PDE9A: variants seen among roughly 807,000 people sequenced by gnomAD.
PDE9A encodes high affinity cGMP-specific 3',5'-cyclic phosphodiesterase 9A.
A neutral mutation model predicts 87.4 loss-of-function variants in PDE9A; 60 were observed. That is an observed-to-expected ratio of 0.69 (90% CI 0.56 to 0.85). The LOEUF is 0.85. PDE9A is among the 40% of genes least tolerant of loss of function. The pLI is 0.00. For synonymous variants in PDE9A, 272 were observed against 279.4 expected, an observed-to-expected ratio of 0.97 and a Z score of 0.27; for missense variants, 665 against 779.0, an observed-to-expected ratio of 0.85 and a Z score of 1.74.
rs879889308 is a variant in PDE9A at position 42,670,173 on chromosome 21, GCA to G, written c.70-16014_70-16013del. The stretch of plus-strand genomic sequence containing the variant: ...CATTCACACGCACACACATTCACAC[GCA>G]CACATACACTTACACACATTCACAC... On this transcript the variant is annotated intron_variant, in intron 1 of 19. Coordinates refer to ENST00000291539, the MANE Select transcript of PDE9A (RefSeq NM_002606.3). 8.2e-3 allele frequency among the ~76,000 whole-genome samples: 1,143 copies of G among 138,972 alleles called. 6 individuals carry two copies. The highest frequency in any genetic ancestry group is 0.031 in the African/African-American group (1,101 of 35,072). The allele number at this position is 138,972 out of a possible 152,430, so 91.2% of individuals were successfully genotyped here. A position where few individuals can be genotyped will look rare whatever the true frequency, so the allele number is the denominator to read the frequency against.
intron 7 of PDE9A, among the ~76,000 whole-genome samples, chr21:42,735,171 G>A (rs927742435): frequency 3.9e-5 from 6 of 152,210 alleles, no homozygotes; most frequent in Admixed American, 6.5e-5. Context: ...GATGCTGTGC[G>A]GATGCCTGTG....
At chr21:42,680,158 C>G (rs1368091651) in intron 1 of PDE9A, among the ~76,000 whole-genome samples, 1 of 152,226 alleles carries the variant, frequency 6.6e-6, no homozygotes, top group Non-Finnish European at 1.5e-5. Flanking sequence ...TGAGGCTTCT[C>G]CTTTTTACCT....
chr21:42,771,347 C>T lies in PDE9A; in HGVS notation c.1686+549C>T, dbSNP rs574252870. ...AGATATCATTTTGGAGGAAGGGGTC[C>T]AGGTCACAGCCTCAGGGCCCACGCA... is the stretch of plus-strand genomic sequence containing the variant. On this transcript the variant is annotated intron_variant, in intron 18 of 19. Transcript: ENST00000291539. Among the ~76,000 whole-genome samples, 92 of 152,346 alleles carry T rather than the reference C, an allele frequency of 6.0e-4. 1 individual carries two copies. Among genetic ancestry groups the T allele is most frequent in the African/African-American group, 2.1e-3 (86 of 41,578 alleles).
intron 16 of PDE9A, 197 bp from the exon 17 acceptor site, chr21:42,768,830 C>T (rs913858052): frequency 9.1e-6 from 9 of 985,328 alleles, no homozygotes; most frequent in African/African-American, 1.7e-5. Context: ...GGTCGGTCTT[C>T]CCAGCTAGAC....
intron 4 of PDE9A, among the ~76,000 whole-genome samples, chr21:42,714,609 C>A (rs565094046): frequency 6.7e-6 from 1 of 149,694 alleles, no homozygotes; most frequent in East Asian, 1.9e-4. Flanking sequence ...TTAGCTCTAC[C>A]AGTCTTTGTT....
intron 8 of PDE9A, among the ~76,000 whole-genome samples, chr21:42,747,162 A>G (rs1341110982): frequency 6.6e-6 from 1 of 152,242 alleles, no homozygotes; most frequent in Non-Finnish European, 1.5e-5. Context: ...GAATAGAGAC[A>G]CTGAGATATT....
chr21:42,717,543 C>CA (rs201070168), intron 4 of PDE9A, among the ~76,000 whole-genome samples: 21 of 68,120 alleles, frequency 3.1e-4, no homozygotes, highest in East Asian at 1.8e-3. Flanking sequence ...GACTCCATCT[C>CA]AAAAAAAAAA....
At chr21:42,663,705 A>T (rs1161163539) in intron 1 of PDE9A, among the ~76,000 whole-genome samples, 2 of 152,034 alleles carry the variant, frequency 1.3e-5, no homozygotes, top group African/African-American at 4.8e-5. Context: ...CCAGGCTGAG[A>T]CCAGCACTGT....
intron 10 of PDE9A, among the ~76,000 whole-genome samples, chr21:42,755,886 G>A (rs149441490): frequency 1.3e-5 from 2 of 152,376 alleles, no homozygotes; most frequent in South Asian, 2.1e-4. Flanking sequence ...AAGCACCTGC[G>A]TGGAAACTGG....
chr21:42,731,690 A>G, intron 4 of PDE9A, 80 bp from the exon 5 acceptor site: 2 of 1,377,978 alleles, frequency 1.5e-6, no homozygotes, highest in Non-Finnish European at 2.0e-6. Flanking sequence ...TTGTCCCAGT[A>G]ATTGCCCCCA....
chr21:42,768,905 C>A (rs938115592), intron 16 of PDE9A, 122 bp from the exon 17 acceptor site: 1 of 1,497,460 alleles, frequency 6.7e-7, no homozygotes, highest in East Asian at 2.3e-5. Flanking sequence ...TACTGAGACA[C>A]ATTTGTGGTG....
At position 42,660,808 on chromosome 21, in the gene PDE9A, A is replaced by G. The variant is rs2145819732; in HGVS notation, c.69+6925A>G. Among the ~76,000 whole-genome samples the G allele has an allele frequency of 6.6e-6, 1 of 152,060 alleles. No individual in the cohort carries two copies. The highest frequency in any genetic ancestry group is 1.9e-4 in the East Asian group (1 of 5,152). ...GTGGCTCCCAACATTTTCAAGCTCA[A>G]AAAGAAATATTTTCACTTGAGGGTG... is the stretch of plus-strand genomic sequence containing the variant. On this transcript the variant is annotated intron_variant, in intron 1 of 19. Coordinates refer to ENST00000291539, the MANE Select transcript of PDE9A (RefSeq NM_002606.3). The surrounding 1 kb of genome is among the most constrained non-coding windows in gnomAD (Gnocchi z 4.7).
At chr21:42,665,774 C>T (rs1238056257) in intron 1 of PDE9A, among the ~76,000 whole-genome samples, 6 of 152,342 alleles carry the variant, frequency 3.9e-5, no homozygotes, top group African/African-American at 9.6e-5. Flanking sequence ...GAGACTGGCA[C>T]GAGAACCAGT....
At chr21:42,688,741 G>A (rs1284060917) in intron 3 of PDE9A, among the ~76,000 whole-genome samples, 1 of 152,226 alleles carries the variant, frequency 6.6e-6, no homozygotes, top group Non-Finnish European at 1.5e-5. Context: ...TCCCAGAGTG[G>A]GGCTCACTGT....
At chr21:42,690,987 GTCACCCAGCCCT>G (rs2059795021) in intron 3 of PDE9A, among the ~76,000 whole-genome samples, 1 of 151,714 alleles carries the variant, frequency 6.6e-6, no homozygotes. Context: ...ACCATCCAGA[GTCACCCAGCCCT>G]TCACTATCAC....
intron 1 of PDE9A, among the ~76,000 whole-genome samples, chr21:42,662,140 A>G (rs562014123): frequency 5.3e-5 from 8 of 152,280 alleles, no homozygotes; most frequent in African/African-American, 1.4e-4. Context: ...TATAAGTGTT[A>G]TCATTTTTGT....
At chr21:42,662,211 G>A (rs1386062990) in intron 1 of PDE9A, among the ~76,000 whole-genome samples, 1 of 152,078 alleles carries the variant, frequency 6.6e-6, no homozygotes, top group African/African-American at 2.4e-5. Flanking sequence ...AGTGCCTGGT[G>A]GAGACCCGGG....
rs764535263 is a variant in PDE9A, at chr21:42,770,803, A to T, written c.1686+5A>T. The T allele has an allele frequency of 6.2e-7, 1 of 1,608,718 alleles. No homozygotes were observed. The highest frequency in any genetic ancestry group is 1.7e-5 in the Admixed American group (1 of 60,008). On this transcript the variant is annotated splice_donor_5th_base_variant and intron_variant, in intron 18 of 19. Transcript: ENST00000291539. ...ATAGATGACGCCATGAAAGAGGTAA[A>T]ACACACTGAGAAGAGCCTGCCTTCC...
In PDE9A at chr21:42,760,765, C is replaced by T; in HGVS notation, c.1003-60C>T. ...CCACTCACCCAATTCCACCCCCCCTCACCCCATCCCACCCTCCGAGTGAAG... is the reference window on the plus strand; with the variant it reads ...CCACTCACCCAATTCCACCCCCCCTTACCCCATCCCACCCTCCGAGTGAAG... On this transcript the variant is annotated intron_variant, in intron 12 of 19. Transcript: ENST00000291539. This position sits in a 1 kb window ranked among gnomAD's most constrained non-coding sequence, Gnocchi z 5.2. 2.2e-6 allele frequency: 2 copies of T among 901,364 alleles called. No homozygotes were observed. The highest frequency in any genetic ancestry group is 2.2e-4 in the Middle Eastern group (1 of 4,618). 55.8% of individuals were successfully genotyped at this position (901,364 alleles called of 1,614,324 possible).
Sources: gnomAD v4.1 joint callset for allele counts (sites outside exome capture counted in the v4.1 genomes callset) on GRCh38, gnomAD v4.1.1 for gene constraint, Gnocchi (gnomAD v3.1) non-coding constraint, MANE v1.5 for transcripts, NCBI Gene and HGNC (gene_info 2026-07-23, HGNC 2026-07-21) for gene names.